Variants in CCL28 observed in about 807,000 individuals in gnomAD.
The protein encoded by CCL28 is C-C motif chemokine ligand 28.
CCL28 carries 4 observed loss-of-function variants against 7.1 expected under a neutral mutation model. The ratio of observed to expected loss-of-function variants is 0.56; its 90% CI spans 0.28 to 1.29. CCL28 has a LOEUF of 1.29. CCL28 is among the 50% of genes most tolerant of loss of function. The probability of loss-of-function intolerance (pLI) is 0.11; values close to 1 mark genes in which losing one functional copy is unlikely to be tolerated. For missense variants in CCL28, 151 were observed against 163.4 expected (o/e 0.92, Z 0.41); for synonymous variants, 55 against 57.8 (o/e 0.95, Z 0.22).
rs1740803349 is a variant in CCL28 at position 43,396,326 on chromosome 5, T to A, written c.65-7850A>T. Among the ~76,000 whole-genome samples, 3 of 152,222 alleles carry A rather than the reference T, an allele frequency of 2.0e-5. No individual in the cohort carries two copies. The South Asian group carries it at 6.2e-4, about 32-fold the overall frequency. ...GGTAGGATTTAGCCGGCTTCTTCACTGCAACCTGTTTTATTAGCAAGGTCT... is the reference window on the plus strand; with the variant it reads ...GGTAGGATTTAGCCGGCTTCTTCACAGCAACCTGTTTTATTAGCAAGGTCT... On this transcript the variant is annotated intron_variant, in intron 1 of 2. Coordinates refer to ENST00000361115, the MANE Select transcript of CCL28 (RefSeq NM_148672.3).
rs575236910 is a variant in CCL28, at chr5:43,412,243, C to A, written c.64+10G>T. 1.6e-4 allele frequency: 251 copies of A among 1,609,128 alleles called. 4 individuals carry two copies. The South Asian group carries it at 2.6e-3, about 17-fold the overall frequency. On this transcript the variant is annotated intron_variant, in intron 1 of 2. Transcript: ENST00000361115. ...CAGTGAAGGCCTAAGTGTCCAGTGC[C>A]CCCACTCACCTTCTGAGGCATGTAG...
chr5:43,359,565 C>G, the CCL28 span, among the ~76,000 whole-genome samples: 2 of 152,222 alleles, frequency 1.3e-5, no homozygotes, highest in Non-Finnish European at 2.9e-5. Flanking sequence ...GAACATGTCA[C>G]AGTGCTGCAG....
At chr5:43,359,215 A>C in the CCL28 span, among the ~76,000 whole-genome samples, 2 of 152,352 alleles carry the variant, frequency 1.3e-5, no homozygotes, top group Admixed American at 1.3e-4. Flanking sequence ...TATAGTACAG[A>C]GTCAGAATCA....
At chr5:43,393,680 G>C (rs1470466567) in intron 1 of CCL28, among the ~76,000 whole-genome samples, 1 of 150,206 alleles carries the variant, frequency 6.7e-6, no homozygotes, top group Non-Finnish European at 1.5e-5. Flanking sequence ...TTAAGATGAG[G>C]TTCTTTAAAG....
chr5:43,375,052 C>T (rs1045293811), downstream of CCL28, among the ~76,000 whole-genome samples: 1 of 151,838 alleles, frequency 6.6e-6, no homozygotes, highest in African/African-American at 2.4e-5. Context: ...TGCAATACTG[C>T]GGTCTCAGCT....
intron 1 of CCL28, among the ~76,000 whole-genome samples, chr5:43,391,331 T>C (rs1270605483): frequency 6.6e-6 from 1 of 152,216 alleles, no homozygotes; most frequent in Non-Finnish European, 1.5e-5. Flanking sequence ...AATTTATGAA[T>C]GTAAGTTGTA....
chr5:43,367,217 A>G, the CCL28 span, among the ~76,000 whole-genome samples: 3 of 152,168 alleles, frequency 2.0e-5, no homozygotes, highest in African/African-American at 7.2e-5. Flanking sequence ...CCCTGGCCTC[A>G]GCCCCCTTTC....
At chr5:43,403,160 T>G (rs775324022) in intron 1 of CCL28, among the ~76,000 whole-genome samples, 1 of 151,910 alleles carries the variant, frequency 6.6e-6, no homozygotes, top group African/African-American at 2.4e-5. Context: ...TTGAAGAGAG[T>G]AGTGGTTCTA....
intron 1 of CCL28, among the ~76,000 whole-genome samples, chr5:43,401,294 A>T (rs375983152): frequency 2.0e-5 from 3 of 152,266 alleles, no homozygotes; most frequent in Middle Eastern, 3.4e-3. Flanking sequence ...AAGTCCTGCC[A>T]GGTACTTTTT....
downstream of CCL28, chr5:43,376,945 T>C (rs1739901368): frequency 6.6e-6 from 1 of 152,206 alleles, no homozygotes; most frequent in Non-Finnish European, 1.5e-5. Context: ...AGCTGTTATC[T>C]ATAGAGCAGT....
Position 43,381,741 on chromosome 5 carries a change from A to G in CCL28, c.*119T>C. 2.4e-6 allele frequency: 2 copies of G among 849,162 alleles called. No individual in the cohort carries two copies. Among genetic ancestry groups the G allele is most frequent in the Non-Finnish European group, 3.7e-6 (2 of 536,774 alleles). 52.6% of individuals were successfully genotyped at this position (849,162 alleles called of 1,614,324 possible). A position where few individuals can be genotyped will look rare whatever the true frequency, so the allele number is the denominator to read the frequency against. On this transcript the variant is annotated 3_prime_UTR_variant, in exon 3 of 3. Coordinates refer to ENST00000361115, the MANE Select transcript of CCL28 (RefSeq NM_148672.3). ...ACCGCACAATTGTTCATTTTTTAAA[A>G]ACCAATATTTTGTTTTGTTCTGTTG...
the CCL28 span, among the ~76,000 whole-genome samples, chr5:43,364,041 C>G: frequency 5.3e-5 from 8 of 152,278 alleles, no homozygotes; most frequent in East Asian, 1.3e-3. Context: ...GGGAGAGGGA[C>G]AGGGATAAAA....
rs1253882420 is a variant in CCL28, at chr5:43,388,475, G to A, written c.66C>T (p.Ala22=). The A allele has an allele frequency of 1.2e-6, 2 of 1,613,262 alleles. No individual in the cohort carries two copies. The highest frequency in any genetic ancestry group is 2.2e-5 in the South Asian group (2 of 90,922). The change falls in exon 2 of 3, where the codon GCC becomes GCT. Residue 22 remains alanine (A), a splice_region_variant and synonymous_variant. Transcript: ENST00000361115. The stretch of plus-strand genomic sequence containing the variant: ...AACAGCTGGAGGCAATGGGAAGTAT[G>A]GCTAAAAGAAGAAAAGAAAGAAAAT... ...AVCAALHASE[A]ILPIASSCCT... is the part of the protein sequence containing the mutation.
At chr5:43,392,106 A>ATTATTTAT (rs35180804) in intron 1 of CCL28, among the ~76,000 whole-genome samples, 8,443 of 151,442 alleles carry the variant, frequency 0.056, 538 homozygotes, top group African/African-American at 0.16. Context: ...TGCATATCTT[A>ATTATTTAT]TTATTTATTT....
intron 1 of CCL28, among the ~76,000 whole-genome samples, chr5:43,396,699 AC>A (rs1001929410): frequency 2.0e-5 from 3 of 152,206 alleles, no homozygotes; most frequent in African/African-American, 4.8e-5. Flanking sequence ...CACGAAAAAA[AC>A]GTGTGTTCAA....
chr5:43,369,502 G>A, the CCL28 span, among the ~76,000 whole-genome samples: 2 of 152,044 alleles, frequency 1.3e-5, no homozygotes, highest in Admixed American at 1.3e-4. Context: ...TTGGCTCACT[G>A]CAACCTCCGC....
rs776077598 is a variant in CCL28 at position 43,379,890 on chromosome 5, C to A, written c.*1970G>T. The A allele has an allele frequency of 6.6e-6, 1 of 152,064 alleles. No homozygotes were observed. Among genetic ancestry groups the A allele is most frequent in the Non-Finnish European group, 1.5e-5 (1 of 68,032 alleles). The allele number at this position is 152,064 out of a possible 1,614,324, so 9.4% of individuals were successfully genotyped here. On this transcript the variant is annotated 3_prime_UTR_variant, in exon 3 of 3. Coordinates refer to ENST00000361115, the MANE Select transcript of CCL28 (RefSeq NM_148672.3). ...ATTCCAGCACTTTGGGAGGCACAGG[C>A]GGGTGGTTCACTTGAGGTCAAGAGT...
chr5:43,410,046 T>C (rs756572158), intron 1 of CCL28, among the ~76,000 whole-genome samples: 1 of 152,208 alleles, frequency 6.6e-6, no homozygotes, highest in African/African-American at 2.4e-5. Flanking sequence ...TAAGACACCA[T>C]TAAGATAAGG....
chr5:43,380,167 A>G lies in CCL28; in HGVS notation c.*1693T>C, dbSNP rs1001215710. 1 of 152,132 alleles carries G rather than the reference A, an allele frequency of 6.6e-6. No homozygotes were observed. The highest frequency in any genetic ancestry group is 2.4e-5 in the African/African-American group (1 of 41,414). 9.4% of individuals were successfully genotyped at this position (152,132 alleles called of 1,614,324 possible). ...AACAAAAACGTGTGAGAAGGGTGGA[A>G]TAGGAGCTAAAAGATGTAGGCTCCT... On this transcript the variant is annotated 3_prime_UTR_variant, in exon 3 of 3. Transcript: ENST00000361115.
Sources: allele counts gnomAD v4.1 joint callset (sites outside exome capture counted in the v4.1 genomes callset), GRCh38; gene constraint gnomAD v4.1.1; transcripts MANE v1.5; gene names NCBI Gene and HGNC (gene_info 2026-07-23, HGNC 2026-07-21).